NAT2: variants seen among roughly 807,000 people sequenced by gnomAD.
NAT2 encodes arylamine N-acetyltransferase 2.
For synonymous variants in NAT2, 137 were observed against 125.9 expected (o/e 1.09, Z -0.59); for missense variants, 428 against 339.1 (o/e 1.26, Z -2.06).
chr8:18,399,878 C>T (rs556862959), intron 1 of NAT2, 120 bp from the exon 2 acceptor site: 4 of 1,130,576 alleles, frequency 3.5e-6, no homozygotes, highest in Non-Finnish European at 4.9e-6. Flanking sequence ...ATTACTATGA[C>T]AGATACTTAT....
chr8:18,392,862 C>G (rs1051302883), intron 1 of NAT2, among the ~76,000 whole-genome samples: 1 of 152,168 alleles, frequency 6.6e-6, no homozygotes, highest in African/African-American at 2.4e-5. Flanking sequence ...AAGGAAGAAG[C>G]TCGGCTAGCA....
chr8:18,400,737 A>G lies in NAT2; in HGVS notation c.734A>G (p.Asn245Ser), dbSNP rs746441923. 42 of 1,613,686 alleles carry G rather than the reference A, an allele frequency of 2.6e-5. No homozygotes were observed. The highest frequency in any genetic ancestry group is 4.5e-5 in the East Asian group (2 of 44,868). Residue 245 changes from asparagine (N) to serine (S), a missense_variant, in exon 2 of 2, where the codon AAT (asparagine) becomes AGT (serine). Physicochemically the swap from Asn to Ser is conservative, Grantham distance 46. Coordinates refer to ENST00000286479, the MANE Select transcript of NAT2 (RefSeq NM_000015.3). Reference sequence around the variant, plus strand: ...TTCATCCTCACCTATAGAAAATTCAATTATAAAGACAATACAGATCTGGTC... The same window carrying G: ...TTCATCCTCACCTATAGAAAATTCAGTTATAAAGACAATACAGATCTGGTC... ...VGFILTYRKF[N>S]YKDNTDLVEF...
intron 1 of NAT2, 107 bp from the exon 2 acceptor site, chr8:18,399,891 C>G (rs745504057): frequency 8.1e-7 from 1 of 1,233,486 alleles, no homozygotes; most frequent in Non-Finnish European, 1.1e-6. Context: ...ATACTTATAA[C>G]CATTGTGTTT....
rs904341687 is a variant in NAT2, at chr8:18,400,915, A to G, written c.*39A>G. On this transcript the variant is annotated 3_prime_UTR_variant, in exon 2 of 2. Transcript: ENST00000286479. ...ATAAACCCTTGTGTATGTATCACCC[A>G]ACTCACTAATTATCAACTTATGTGC... 4.8e-6 allele frequency: 7 copies of G among 1,462,910 alleles called. No homozygotes were observed. The African/African-American group carries it at 9.9e-5, about 21-fold the overall frequency. 90.6% of individuals were successfully genotyped at this position (1,462,910 alleles called of 1,614,324 possible).
intron 1 of NAT2, 59 bp from the exon 2 acceptor site, chr8:18,399,939 C>T: frequency 6.7e-7 from 1 of 1,493,238 alleles, no homozygotes; most frequent in South Asian, 1.4e-5. Flanking sequence ...TAATTAGTCA[C>T]ACGAGGAAAT....
At position 18,400,707 on chromosome 8, in the gene NAT2, T is replaced by G. The variant is rs756616433; in HGVS notation, c.704T>G (p.Val235Gly). The G allele has an allele frequency of 6.2e-7, 1 of 1,613,894 alleles. No individual in the cohort carries two copies. The highest frequency in any genetic ancestry group is 8.5e-7 in the Non-Finnish European group (1 of 1,179,962). The change falls in exon 2 of 2, where the codon GTG (valine) becomes GGG (glycine). Residue 235 changes from valine (V) to glycine (G), a missense_variant. By Grantham distance (109) the Val-to-Gly change is moderately radical. Coordinates refer to ENST00000286479, the MANE Select transcript of NAT2 (RefSeq NM_000015.3). ...ACCCCAGAAGGGGTTTACTGTTTGGTGGGCTTCATCCTCACCTATAGAAAA... is the reference window on the plus strand; with the variant it reads ...ACCCCAGAAGGGGTTTACTGTTTGGGGGGCTTCATCCTCACCTATAGAAAA... ...LQTPEGVYCL[V>G]GFILTYRKFN...
chr8:18,386,384 T>C (rs139401416), upstream of NAT2, among the ~76,000 whole-genome samples: 8 of 152,294 alleles, frequency 5.3e-5, no homozygotes, highest in African/African-American at 1.9e-4. Context: ...ATCCATGATC[T>C]GGAAAGGTAC....
In NAT2 at chr8:18,400,728, G is replaced by C; in HGVS notation, c.725G>C (p.Arg242Thr). 1 of 1,613,744 alleles carries C rather than the reference G, an allele frequency of 6.2e-7. No individual in the cohort carries two copies. Among genetic ancestry groups the C allele is most frequent in the South Asian group, 1.1e-5 (1 of 91,068 alleles). ...YCLVGFILTY[R>T]KFNYKDNTDL... ...TTGGTGGGCTTCATCCTCACCTATA[G>C]AAAATTCAATTATAAAGACAATACA... Residue 242 changes from arginine (R) to threonine (T), a missense_variant, in exon 2 of 2, where the codon AGA becomes ACA. Physicochemically the swap from Arg to Thr is moderately conservative, Grantham distance 71. Coordinates refer to ENST00000286479, the MANE Select transcript of NAT2 (RefSeq NM_000015.3).
intron 1 of NAT2, among the ~76,000 whole-genome samples, chr8:18,395,507 C>T (rs765227157): frequency 9.9e-5 from 15 of 152,224 alleles, no homozygotes; most frequent in South Asian, 4.2e-4. Context: ...AACACCATTT[C>T]ATATTTGACA....
chr8:18,396,171 T>C (rs1800686891), intron 1 of NAT2, among the ~76,000 whole-genome samples: 1 of 152,132 alleles, frequency 6.6e-6, no homozygotes, highest in African/African-American at 2.4e-5. Flanking sequence ...CAACATTTTA[T>C]AATTTTCCAT....
At position 18,400,041 on chromosome 8, in the gene NAT2, A is replaced by G. The variant is rs1281741349; in HGVS notation, c.38A>G (p.Lys13Arg). ...IEAYFERIGY[K>R]NSRNKLDLET... ...GCATATTTTGAAAGAATTGGCTATA[A>G]GAACTCTAGGAACAAATTGGACTTG... is the stretch of plus-strand genomic sequence containing the variant. The change falls in exon 2 of 2, where the codon AAG becomes AGG. Residue 13 changes from lysine (K) to arginine (R), a missense_variant. Physicochemically the swap from Lys to Arg is conservative, Grantham distance 26. Transcript: ENST00000286479. The G allele has an allele frequency of 3.1e-6, 5 of 1,605,774 alleles. No homozygotes were observed. The highest frequency in any genetic ancestry group is 4.3e-6 in the Non-Finnish European group (5 of 1,175,416).
At chr8:18,392,056 G>T (rs181446101) in intron 1 of NAT2, among the ~76,000 whole-genome samples, 79 of 152,322 alleles carry the variant, frequency 5.2e-4, no homozygotes, top group African/African-American at 1.8e-3. Context: ...TTCAGGCAGA[G>T]CCAATGTATA....
At position 18,396,545 on chromosome 8, in the gene NAT2, A is replaced by G. The variant is rs886460645; in HGVS notation, c.-6-3453A>G. Among the ~76,000 whole-genome samples, 13 of 152,222 alleles carry G rather than the reference A, an allele frequency of 8.5e-5. No homozygotes were observed. The East Asian group carries it at 2.5e-3, about 29-fold the overall frequency. On this transcript the variant is annotated intron_variant, in intron 1 of 1. Transcript: ENST00000286479. ...TGAGTAGCTGGGATTACAGCTGTGC[A>G]TGACCACACCCGCCTAATTTTTGTA...
At chr8:18,388,558 A>G (rs190337327), upstream of NAT2, among the ~76,000 whole-genome samples, 28 of 151,954 alleles carry the variant, frequency 1.8e-4, no homozygotes, top group Admixed American at 1.0e-3. Flanking sequence ...TCTTCAGAGA[A>G]GATCAGGAAA....
intron 1 of NAT2, among the ~76,000 whole-genome samples, chr8:18,393,466 G>GA (rs997834693): frequency 1.3e-5 from 2 of 151,758 alleles, no homozygotes; most frequent in African/African-American, 4.9e-5. Flanking sequence ...TGTAGAAACA[G>GA]AAAAAAATAA....
At chr8:18,386,675 G>T (rs1205432212), upstream of NAT2, among the ~76,000 whole-genome samples, 1 of 152,104 alleles carries the variant, frequency 6.6e-6, no homozygotes, top group Non-Finnish European at 1.5e-5. Flanking sequence ...GTGAACACGG[G>T]CAGGGGAAGA....
rs776210861 is a variant in NAT2 at position 18,400,740 on chromosome 8, A to G, written c.737A>G (p.Tyr246Cys). ...ATCCTCACCTATAGAAAATTCAATT[A>G]TAAAGACAATACAGATCTGGTCGAG... ...GFILTYRKFNYKDNTDLVEFK... is the reference protein window; with the variant it reads ...GFILTYRKFNCKDNTDLVEFK... The change falls in exon 2 of 2, where the codon TAT becomes TGT. Residue 246 changes from tyrosine to cysteine, a missense_variant. By Grantham distance (194) the Tyr-to-Cys change is radical (BLOSUM62 -2). Transcript: ENST00000286479. 1.2e-6 allele frequency: 2 copies of G among 1,613,788 alleles called. No individual in the cohort carries two copies. The highest frequency in any genetic ancestry group is 3.3e-5 in the Admixed American group (2 of 59,964).
upstream of NAT2, among the ~76,000 whole-genome samples, chr8:18,387,961 C>G (rs1361749165): frequency 6.6e-6 from 1 of 152,204 alleles, no homozygotes; most frequent in African/African-American, 2.4e-5. Context: ...GAATGTTTCT[C>G]TTACCTCACT....
At position 18,400,471 on chromosome 8, in the gene NAT2, A is replaced by T; in HGVS notation, c.468A>T (p.Arg156Ser). 6.2e-7 allele frequency: 1 copy of T among 1,613,870 alleles called. No homozygotes were observed. The highest frequency in any genetic ancestry group is 8.5e-7 in the Non-Finnish European group (1 of 1,179,954). The change falls in exon 2 of 2, where the codon AGA (arginine) becomes AGT (serine). Residue 156 changes from arginine (R) to serine (S), a missense_variant. Transcript: ENST00000286479. ...VPCIFCLTEERGIWYLDQIRR... is the reference protein window; with the variant it reads ...VPCIFCLTEESGIWYLDQIRR... ...GCATTTTCTGCTTGACAGAAGAGAG[A>T]GGAATCTGGTACCTGGACCAAATCA...
Sources: gnomAD v4.1 joint callset for allele counts (sites outside exome capture counted in the v4.1 genomes callset) on GRCh38, gnomAD v4.1.1 for gene constraint, MANE v1.5 for transcripts, NCBI Gene and HGNC (gene_info 2026-07-23, HGNC 2026-07-21) for gene names.